GRIA4: variants seen among roughly 807,000 people sequenced by gnomAD.
GRIA4 encodes glutamate ionotropic receptor AMPA type subunit 4.
GRIA4 carries 34 observed loss-of-function variants against 104.0 expected under a neutral mutation model. The observed-to-expected ratio is 0.33, with a 90% CI of 0.25 to 0.44. GRIA4 has a LOEUF of 0.44. Among genes scored for constraint, GRIA4 ranks in the 20% least tolerant of loss-of-function variants. GRIA4 has a pLI of 1.00. For missense variants in GRIA4, 750 were observed against 1,096.5 expected, an observed-to-expected ratio of 0.68 and a Z score of 4.46; for synonymous variants, 386 against 381.9, an observed-to-expected ratio of 1.01 and a Z score of -0.13.
intron 4 of GRIA4, among the ~76,000 whole-genome samples, chr11:105,820,009 T>C (rs989440747): frequency 6.6e-6 from 1 of 152,012 alleles, no homozygotes; most frequent in African/African-American, 2.4e-5. Context: ...GTTGAAGTTA[T>C]ACTACTCCAA....
chr11:105,682,501 T>C (rs1952742708), intron 3 of GRIA4, among the ~76,000 whole-genome samples: 1 of 152,210 alleles, frequency 6.6e-6, no homozygotes, highest in South Asian at 2.1e-4. Context: ...TGTTCCTTTG[T>C]TGTATTTGGA....
chr11:105,731,250 C>A (rs938183770), intron 3 of GRIA4, among the ~76,000 whole-genome samples: 1 of 152,146 alleles, frequency 6.6e-6, no homozygotes, highest in African/African-American at 2.4e-5. Flanking sequence ...AGAAGACATT[C>A]ATGCGGCCAA....
chr11:105,914,651 G>C (rs1029061927), intron 10 of GRIA4, among the ~76,000 whole-genome samples: 1 of 152,122 alleles, frequency 6.6e-6, no homozygotes, highest in Non-Finnish European at 1.5e-5. Flanking sequence ...CCATTCATTA[G>C]AGAAGCTATC....
intron 5 of GRIA4, among the ~76,000 whole-genome samples, chr11:105,872,443 GT>G (rs1349588393): frequency 6.6e-6 from 1 of 152,050 alleles, no homozygotes; most frequent in Non-Finnish European, 1.5e-5. Context: ...AGACTCTCAG[GT>G]TGACTGGTTC....
chr11:105,843,707 G>A (rs56119188), intron 4 of GRIA4, among the ~76,000 whole-genome samples: 6,155 of 152,208 alleles, frequency 0.04, 153 homozygotes, highest in Non-Finnish European at 0.053. Flanking sequence ...TAGTTTCATA[G>A]GTTTCTGAAA....
chr11:105,645,056 C>T (rs1363219225), intron 3 of GRIA4, among the ~76,000 whole-genome samples: 1 of 152,110 alleles, frequency 6.6e-6, no homozygotes, highest in African/African-American at 2.4e-5. Flanking sequence ...GCAGGTGCCA[C>T]AGGGCTGAAG....
chr11:105,909,528 C>T (rs1947158651), intron 9 of GRIA4, among the ~76,000 whole-genome samples: 1 of 152,112 alleles, frequency 6.6e-6, no homozygotes, highest in Non-Finnish European at 1.5e-5. Context: ...TTTATTTAGC[C>T]TTCTAAAATG....
chr11:105,802,557 CTA>C (rs1423094619), intron 4 of GRIA4, among the ~76,000 whole-genome samples: 1 of 152,010 alleles, frequency 6.6e-6, no homozygotes, highest in Non-Finnish European at 1.5e-5. Flanking sequence ...TAATTTATAA[CTA>C]TTAAACTTCT....
intron 10 of GRIA4, chr11:105,912,477 C>CAAA (rs550991472): frequency 1.2e-5 from 9 of 760,214 alleles, no homozygotes; most frequent in African/African-American, 2.3e-5. Context: ...AGCATGCTAT[C>CAAA]AAAAAAAAAA....
At chr11:105,873,576 G>A (rs911058148) in intron 5 of GRIA4, among the ~76,000 whole-genome samples, 7 of 151,904 alleles carry the variant, frequency 4.6e-5, no homozygotes, top group Non-Finnish European at 5.9e-5. Context: ...CCACATCCTC[G>A]CCAGCATCTG....
At chr11:105,644,328 C>T (rs1013190102) in intron 3 of GRIA4, among the ~76,000 whole-genome samples, 2 of 151,884 alleles carry the variant, frequency 1.3e-5, no homozygotes, top group East Asian at 3.9e-4. Context: ...ACCTTTGGCT[C>T]GCGCCTGTAA....
intron 14 of GRIA4, among the ~76,000 whole-genome samples, chr11:105,943,605 A>G (rs901255323): frequency 1.3e-5 from 2 of 152,190 alleles, no homozygotes; most frequent in South Asian, 4.1e-4. Flanking sequence ...CCTCATCACA[A>G]ATAGCATTCA....
intron 4 of GRIA4, among the ~76,000 whole-genome samples, chr11:105,800,458 A>G (rs1301962919): frequency 6.6e-6 from 1 of 152,092 alleles, no homozygotes; most frequent in Non-Finnish European, 1.5e-5. Flanking sequence ...TAATGTGTCA[A>G]GGTACCTATG....
At chr11:105,634,639 C>T (rs974169553) in intron 3 of GRIA4, among the ~76,000 whole-genome samples, 6 of 152,164 alleles carry the variant, frequency 3.9e-5, no homozygotes, top group African/African-American at 9.7e-5. Flanking sequence ...AAAGGACCCT[C>T]GACCAGAAAT....
intron 4 of GRIA4, among the ~76,000 whole-genome samples, chr11:105,800,100 A>T (rs1481729220): frequency 2.0e-5 from 3 of 152,234 alleles, no homozygotes; most frequent in South Asian, 2.1e-4. Context: ...GAACAAAAAA[A>T]GTAGGTCCAA....
rs2136099688 is a variant in GRIA4, at chr11:105,887,526, G to C, written c.680G>C (p.Ser227Thr). Residue 227 changes from serine to threonine, a missense_variant, in exon 6 of 17, where the codon AGT (serine) becomes ACT (threonine). This residue lies in a region of GRIA4 where 410 missense variants were observed against 502.7 expected (regional missense o/e 0.82). Transcript: ENST00000282499. ...TTGCTTATATCTTCACAGATTGTAA[G>C]TGTTGGAAAGCATGTTAAAGGCTAC... ...RLQNILEQIV[S>T]VGKHVKGYHY... 1 of 1,392,138 alleles carries C rather than the reference G, an allele frequency of 7.2e-7. No individual in the cohort carries two copies. Among genetic ancestry groups the C allele is most frequent in the South Asian group, 1.2e-5 (1 of 81,312 alleles). The allele number at this position is 1,392,138 out of a possible 1,614,324, so 86.2% of individuals were successfully genotyped here.
chr11:105,731,931 T>G (rs1209998133), intron 3 of GRIA4, among the ~76,000 whole-genome samples: 1 of 151,982 alleles, frequency 6.6e-6, no homozygotes, highest in Non-Finnish European at 1.5e-5. Flanking sequence ...ATGTAGATGA[T>G]GGGTCGATGG....
At chr11:105,858,274 G>A (rs1020723051) in intron 4 of GRIA4, among the ~76,000 whole-genome samples, 1 of 151,684 alleles carries the variant, frequency 6.6e-6, no homozygotes, top group Non-Finnish European at 1.5e-5. Flanking sequence ...TTTACCTATC[G>A]GTTTTCCTAG....
chr11:105,654,773 G>A (rs890359586), intron 3 of GRIA4, among the ~76,000 whole-genome samples: 2 of 152,068 alleles, frequency 1.3e-5, no homozygotes, highest in African/African-American at 4.8e-5. Context: ...GGATGTGACA[G>A]GTCTGAGTAC....
Sources: allele counts gnomAD v4.1 joint callset (sites outside exome capture counted in the v4.1 genomes callset), GRCh38; gene constraint gnomAD v4.1.1; regional missense constraint gnomAD v4.1.1; transcripts MANE v1.5; gene names NCBI Gene and HGNC (gene_info 2026-07-23, HGNC 2026-07-21).